USH1C: variants seen among roughly 807,000 people sequenced by gnomAD.
The protein encoded by USH1C is harmonin.
Under a neutral mutation model 119.3 loss-of-function variants are expected in USH1C, and 90 were observed. That is an observed-to-expected ratio of 0.75 (90% CI 0.64 to 0.90). The LOEUF (loss-of-function observed/expected upper bound fraction) is 0.90, where lower values mean the gene tolerates loss of function less well. USH1C is among the 40% of genes least tolerant of loss of function. The pLI is 0.00. For missense variants in USH1C, 1,165 were observed against 1,167.7 expected (o/e 1.00, Z 0.03); for synonymous variants, 465 against 443.3 (o/e 1.05, Z -0.62).
intron 25 of USH1C, 98 bp downstream of exon 25, chr11:17,496,660 T>A (rs2133767563): frequency 6.7e-7 from 1 of 1,492,540 alleles, no homozygotes; most frequent in East Asian, 2.3e-5. Context: ...GGGCCATTCC[T>A]TCAGGCTGGG....
At chr11:17,502,110 A>T in intron 20 of USH1C, 130 bp from the exon 21 acceptor site, 2 of 890,070 alleles carry the variant, frequency 2.2e-6, no homozygotes, top group Non-Finnish European at 3.5e-6. Flanking sequence ...AGGCACGGCC[A>T]GGGTACGGGA....
chr11:17,511,952 C>A lies in USH1C; in HGVS notation c.1363G>T (p.Glu455Ter), dbSNP rs148115969. 1.9e-6 allele frequency: 3 copies of A among 1,614,184 alleles called. No individual in the cohort carries two copies. The highest frequency in any genetic ancestry group is 2.5e-6 in the Non-Finnish European group (3 of 1,180,032). Residue 455 changes from glutamate (E) to a stop codon, truncating the protein, a stop_gained, in exon 16 of 27, where the codon GAA becomes TAA. Transcript: ENST00000005226. LOFTEE classifies it high-confidence loss of function. ...FEQKLYKEKE[E>*]MLEKEKQLKI... ...AGCTGCTTTTCCTTCTCCAGCATTT[C>A]CTCTTTCTCTTTGTAAAGCTTTTGC...
chr11:17,517,615 T>A (rs1342378949), intron 14 of USH1C: 5 of 814,788 alleles, frequency 6.1e-6, no homozygotes, highest in African/African-American at 1.7e-5. Flanking sequence ...GGGGACAGAG[T>A]TCAGGAGAGC....
At chr11:17,500,530 G>A (rs909531463) in intron 23 of USH1C, among the ~76,000 whole-genome samples, 6 of 152,182 alleles carry the variant, frequency 3.9e-5, no homozygotes, top group African/African-American at 1.4e-4. Context: ...CTGGCCAAAC[G>A]TTCGGCTCCT....
chr11:17,529,031 G>A (rs1443567106), intron 4 of USH1C, among the ~76,000 whole-genome samples: 2 of 152,186 alleles, frequency 1.3e-5, no homozygotes, highest in African/African-American at 4.8e-5. Flanking sequence ...CTCCCTGATC[G>A]ACAAGTGGTG....
chr11:17,504,629 C>A lies in USH1C; in HGVS notation c.2184+18G>T. The A allele has an allele frequency of 3.7e-6, 6 of 1,613,910 alleles. No homozygotes were observed. The highest frequency in any genetic ancestry group is 2.2e-5 in the South Asian group (2 of 91,078). On this transcript the variant is annotated intron_variant, in intron 20 of 26. Transcript: ENST00000005226. ...GGTGGTGGGGAGACCTCCAGACACA[C>A]AATGGGTATCAGTTTACTTGTCTGA... is the stretch of plus-strand genomic sequence containing the variant.
In USH1C at chr11:17,516,244, C is replaced by T. The variant is rs1330539906; in HGVS notation, c.1257G>A (p.Arg419=). 1.2e-6 allele frequency: 2 copies of T among 1,613,660 alleles called. No individual in the cohort carries two copies. Among genetic ancestry groups the T allele is most frequent in the Non-Finnish European group, 1.7e-6 (2 of 1,179,936 alleles). Residue 419 remains arginine (R), a synonymous_variant, in exon 15 of 27, where the codon CGG becomes CGA. Transcript: ENST00000005226. Reference sequence around the variant, plus strand: ...ACAGCACCCAACCCTGTCCTACCTTCCGGATGGTTGGGAATTTGCCATCGT... The same window carrying T: ...ACAGCACCCAACCCTGTCCTACCTTTCGGATGGTTGGGAATTTGCCATCGT... ...YRYDGKFPTI[R]KKGKDKKKAK... is the part of the protein sequence containing the mutation.
chr11:17,512,243 G>C (rs1175443426), intron 15 of USH1C, among the ~76,000 whole-genome samples, 189 bp from the exon 16 acceptor site: 3 of 152,070 alleles, frequency 2.0e-5, no homozygotes, highest in Non-Finnish European at 2.9e-5. Flanking sequence ...TGCAGAGTGG[G>C]AGACACATTC....
At chr11:17,540,704 G>T (rs890928659) in intron 1 of USH1C, among the ~76,000 whole-genome samples, 1 of 152,148 alleles carries the variant, frequency 6.6e-6, no homozygotes, top group African/African-American at 2.4e-5. Flanking sequence ...CAATCCATCA[G>T]CAAAGCCTGT....
At chr11:17,523,367 A>G in intron 10 of USH1C, 52 bp downstream of exon 10, 2 of 1,613,610 alleles carry the variant, frequency 1.2e-6, no homozygotes, top group Non-Finnish European at 1.7e-6. Flanking sequence ...GGGGATGAGA[A>G]GTGGGGTGTG....
rs1295296501 is a variant in USH1C, at chr11:17,536,314, CTT to C, written c.37-2994_37-2993del. On this transcript the variant is annotated intron_variant, in intron 1 of 26. Coordinates refer to ENST00000005226, the MANE Select transcript of USH1C (RefSeq NM_153676.4). ...AGGACTGAAGTTCCCTCTTATCCCTCTTTGCAGAAATGTATCTTGCTGTAGCA... is the reference window on the plus strand; with the variant it reads ...AGGACTGAAGTTCCCTCTTATCCCTCTGCAGAAATGTATCTTGCTGTAGCA... Among the ~76,000 whole-genome samples, 3 of 152,358 alleles carry C rather than the reference CTT, an allele frequency of 2.0e-5. No homozygotes were observed. In the East Asian group the frequency reaches 5.8e-4, roughly 29 times the overall value.
In USH1C at chr11:17,538,590, C is replaced by T. The variant is rs147993618; in HGVS notation, c.37-5268G>A. ...TAAATGAGTGAGTATGTGTAAAGCA[C>T]GTATGACAATGCCTGGGACATTTCA... On this transcript the variant is annotated intron_variant, in intron 1 of 26. Coordinates refer to ENST00000005226, the MANE Select transcript of USH1C (RefSeq NM_153676.4). Among the ~76,000 whole-genome samples, 260 of 152,286 alleles carry T rather than the reference C, an allele frequency of 1.7e-3. 1 individual carries two copies. Among genetic ancestry groups the T allele is most frequent in the African/African-American group, 5.3e-3 (219 of 41,546 alleles).
At chr11:17,502,655 G>A (rs1417062418) in intron 20 of USH1C, among the ~76,000 whole-genome samples, 1 of 152,232 alleles carries the variant, frequency 6.6e-6, no homozygotes, top group Non-Finnish European at 1.5e-5. Context: ...CACAGCTCAG[G>A]GGACCTGGCT....
At chr11:17,502,241 G>A (rs1247559848) in intron 20 of USH1C, among the ~76,000 whole-genome samples, 1 of 152,104 alleles carries the variant, frequency 6.6e-6, no homozygotes, top group Non-Finnish European at 1.5e-5. Flanking sequence ...AAGCGTCAGG[G>A]GCTGCAGGGG....
chr11:17,518,819 A>C (rs1488877736), intron 14 of USH1C, among the ~76,000 whole-genome samples: 1 of 152,180 alleles, frequency 6.6e-6, no homozygotes, highest in Admixed American at 6.5e-5. Flanking sequence ...TGGGAGTTCA[A>C]GACCTGCCTG....
Position 17,510,520 on chromosome 11 carries a change from AC to A in USH1C, c.1414del (p.Val472CysfsTer40), listed in dbSNP as rs745622612. On this transcript the variant is annotated frameshift_variant and splice_region_variant, in exon 17 of 27. Coordinates refer to ENST00000005226, the MANE Select transcript of USH1C (RefSeq NM_153676.4). LOFTEE classifies it high-confidence loss of function. ...QLKINRLAQE[V>X]SETEREDLEE... ...AAGGTCTTCCCGCTCTGTCTCAGAC[AC>A]CTGGGACCCAGGATCGGCGCAGAAA... is the stretch of plus-strand genomic sequence containing the variant. 6 of 1,611,244 alleles carry A rather than the reference AC, an allele frequency of 3.7e-6. No homozygotes were observed. In the East Asian group the frequency reaches 8.9e-5, roughly 24 times the overall value.
At chr11:17,512,766 G>A (rs1849951208) in intron 15 of USH1C, among the ~76,000 whole-genome samples, 1 of 152,212 alleles carries the variant, frequency 6.6e-6, no homozygotes, top group African/African-American at 2.4e-5. Context: ...CCTCTACCGA[G>A]GGCTAGCTGG....
In USH1C at chr11:17,501,077, T is replaced by C; in HGVS notation, c.2354A>G (p.Tyr785Cys). 7 of 1,614,020 alleles carry C rather than the reference T, an allele frequency of 4.3e-6. No homozygotes were observed. Among genetic ancestry groups the C allele is most frequent in the Non-Finnish European group, 5.9e-6 (7 of 1,179,992 alleles). Residue 785 changes from tyrosine (Y) to cysteine (C), a missense_variant, in exon 23 of 27, where the codon TAT becomes TGT. Tyr to Cys is a radical substitution (Grantham distance 194). Coordinates refer to ENST00000005226, the MANE Select transcript of USH1C (RefSeq NM_153676.4). ...PIGKVVVSAV[Y>C]ERGAAERHGG... ...ATGCCGCTCAGCAGCTCCCCGCTCA[T>C]ACACAGCAGAAACGACCACCTTCCC... is the stretch of plus-strand genomic sequence containing the variant.
At chr11:17,496,374 G>A (rs912652849) in intron 25 of USH1C, among the ~76,000 whole-genome samples, 3 of 152,208 alleles carry the variant, frequency 2.0e-5, no homozygotes, top group Non-Finnish European at 2.9e-5. Context: ...TAGACATCAG[G>A]AAGACCTTCC....
Sources: gnomAD v4.1 joint callset for allele counts (sites outside exome capture counted in the v4.1 genomes callset) on GRCh38, gnomAD v4.1.1 for gene constraint, MANE v1.5 for transcripts, NCBI Gene and HGNC (gene_info 2026-07-23, HGNC 2026-07-21) for gene names.